IPP: variants seen among roughly 807,000 people sequenced by gnomAD.
The protein encoded by IPP is actin-binding protein IPP.
A neutral mutation model predicts 64.1 loss-of-function variants in IPP; 41 were observed. The observed-to-expected ratio is 0.64, with a 90% CI of 0.50 to 0.83. IPP has a LOEUF of 0.83. Ranked by LOEUF, IPP falls within the 40% of genes least tolerant of loss-of-function variation. IPP has a pLI of 0.00. For synonymous variants in IPP, 214 were observed against 235.2 expected, an observed-to-expected ratio of 0.91 and a Z score of 0.83; for missense variants, 649 against 703.0, an observed-to-expected ratio of 0.92 and a Z score of 0.87.
chr1:45,724,988 G>C (rs1173282611), intron 5 of IPP, among the ~76,000 whole-genome samples: 1 of 145,820 alleles, frequency 6.9e-6, no homozygotes, highest in East Asian at 2.2e-4. Flanking sequence ...CCCTCTGCCC[G>C]GCCAGTCGCC....
chr1:45,699,300 A>G lies in IPP; in HGVS notation c.*666T>C. 5.1e-6 allele frequency: 5 copies of G among 985,422 alleles called. No individual in the cohort carries two copies. The highest frequency in any genetic ancestry group is 6.0e-6 in the Non-Finnish European group (5 of 829,908). 61.0% of individuals were successfully genotyped at this position (985,422 alleles called of 1,614,324 possible). On this transcript the variant is annotated 3_prime_UTR_variant, in exon 9 of 9. Coordinates refer to ENST00000396478, the MANE Select transcript of IPP (RefSeq NM_005897.3). ...TGGCATTAAATAAAAGTAGGAATCTATTTCATTGGCTTTCTCTGTGGCTCA... is the reference window on the plus strand; with the variant it reads ...TGGCATTAAATAAAAGTAGGAATCTGTTTCATTGGCTTTCTCTGTGGCTCA...
chr1:45,705,173 A>T (rs1029290936), intron 8 of IPP, among the ~76,000 whole-genome samples: 1 of 152,196 alleles, frequency 6.6e-6, no homozygotes, highest in Non-Finnish European at 1.5e-5. Context: ...GCTAAGCCCA[A>T]TTTGGGGCTC....
rs564976030 is a variant in IPP at position 45,717,772 on chromosome 1, C to T, written c.1187-755G>A. Among the ~76,000 whole-genome samples, 27 of 152,284 alleles carry T rather than the reference C, an allele frequency of 1.8e-4. No homozygotes were observed. The South Asian group carries it at 4.8e-3, about 27-fold the overall frequency. On this transcript the variant is annotated intron_variant, in intron 6 of 8. Transcript: ENST00000396478. ...TCATGATCCGCCCGCCTCAGCCTCC[C>T]AAAGTGCTGGGATTACAGGCGTAAG...
In IPP at chr1:45,741,219, G is replaced by T; in HGVS notation, c.406C>A (p.Pro136Thr). The T allele has an allele frequency of 6.2e-7, 1 of 1,614,104 alleles. No homozygotes were observed. Among genetic ancestry groups the T allele is most frequent in the Non-Finnish European group, 8.5e-7 (1 of 1,179,984 alleles). ...TGAAAAATTCCAATGCAGTTCAGTG[G>T]ATCAATTTGTCCTTTCAGAAATTCA... ...CCEFLKGQID[P>T]LNCIGIFQFS... is the part of the protein sequence containing the mutation. The change falls in exon 3 of 9, where the codon CCA (proline) becomes ACA (threonine). Residue 136 changes from proline to threonine, a missense_variant. Pro to Thr is a conservative substitution (Grantham distance 38, BLOSUM62 -1). Transcript: ENST00000396478.
chr1:45,723,328 T>C (rs1645758981), intron 5 of IPP, among the ~76,000 whole-genome samples: 1 of 152,182 alleles, frequency 6.6e-6, no homozygotes, highest in Non-Finnish European at 1.5e-5. Context: ...TAAAAGTATT[T>C]AAAAGTTATA....
chr1:45,743,236 C>CTTT (rs1260853923), intron 2 of IPP, among the ~76,000 whole-genome samples: 6 of 139,302 alleles, frequency 4.3e-5, no homozygotes, highest in Admixed American at 1.4e-4. Flanking sequence ...CCACACCCAT[C>CTTT]TTTTTTTTTT....
rs1645434043 is a variant in IPP at position 45,700,202 on chromosome 1, AG to A, written c.1531-13del. ...TCAACCCACTTTTCCTGGTTAAGAG[AG>A]AAAAAAAAAATATGTTAGCAGTGTT... On this transcript the variant is annotated splice_polypyrimidine_tract_variant and intron_variant, in intron 8 of 8. Coordinates refer to ENST00000396478, the MANE Select transcript of IPP (RefSeq NM_005897.3). The A allele has an allele frequency of 6.3e-7, 1 of 1,577,978 alleles. No individual in the cohort carries two copies. Among genetic ancestry groups the A allele is most frequent in the Non-Finnish European group, 8.6e-7 (1 of 1,164,714 alleles).
At chr1:45,739,328 G>A (rs1218495560) in intron 3 of IPP, among the ~76,000 whole-genome samples, 1 of 151,642 alleles carries the variant, frequency 6.6e-6, no homozygotes, top group East Asian at 1.9e-4. Context: ...TGACCTCCTG[G>A]ACTCAGGTGA....
In IPP at chr1:45,746,313, T is replaced by C. The variant is rs77901461; in HGVS notation, c.99A>G (p.Gly33=). 675 of 1,613,940 alleles carry C rather than the reference T, an allele frequency of 4.2e-4. 7 individuals are homozygous for C. In the East Asian group the frequency reaches 0.011, roughly 26 times the overall value. ...GCAGCTGCACATCACAGAAATGCTG[T>C]CCATTTCTCATCTTATTGATTTGGG... ...ILAQINKMRN[G]QHFCDVQLQV... The change falls in exon 2 of 9, where the codon GGA becomes GGG. Residue 33 remains glycine (G), a synonymous_variant. Coordinates refer to ENST00000396478, the MANE Select transcript of IPP (RefSeq NM_005897.3).
intron 1 of IPP, among the ~76,000 whole-genome samples, chr1:45,747,862 A>AAAAAAAC: frequency 1.5e-5 from 2 of 131,278 alleles, no homozygotes; most frequent in Admixed American, 7.9e-5. Context: ...AAAAAAAAAA[A>AAAAAAAC]AAAAACCATG....
intron 8 of IPP, 143 bp from the exon 9 acceptor site, chr1:45,700,333 TC>T: frequency 1.6e-6 from 2 of 1,264,788 alleles, no homozygotes; most frequent in South Asian, 1.7e-5. Context: ...GATTTTTTTT[TC>T]TTTTTTTTGC....
chr1:45,740,593 C>T (rs570040222), intron 3 of IPP, among the ~76,000 whole-genome samples: 1 of 152,334 alleles, frequency 6.6e-6, no homozygotes, highest in East Asian at 1.9e-4. Context: ...TTGGTTCTGT[C>T]AACAGCAGTG....
chr1:45,711,498 A>T (rs1645590352), intron 8 of IPP, among the ~76,000 whole-genome samples: 1 of 152,162 alleles, frequency 6.6e-6, no homozygotes, highest in African/African-American at 2.4e-5. Context: ...TCACACCTGT[A>T]ATCCTAGCAC....
intron 2 of IPP, among the ~76,000 whole-genome samples, chr1:45,744,416 C>G (rs1646107204): frequency 6.6e-6 from 1 of 152,166 alleles, no homozygotes; most frequent in African/African-American, 2.4e-5. Flanking sequence ...TGGGGTCTCA[C>G]TCTGTCTCCC....
rs189722526 is a variant in IPP at position 45,730,781 on chromosome 1, A to G, written c.725-1012T>C. On this transcript the variant is annotated intron_variant, in intron 3 of 8. Coordinates refer to ENST00000396478, the MANE Select transcript of IPP (RefSeq NM_005897.3). ...ATCTTTTCTCTGTATCCCAGACAAG[A>G]AGCAATATTGAAGAAAAATGGTCAA... is the stretch of plus-strand genomic sequence containing the variant. 2.1e-3 allele frequency among the ~76,000 whole-genome samples: 315 copies of G among 152,370 alleles called. 2 individuals are homozygous for G. Among genetic ancestry groups the G allele is most frequent in the Admixed American group, 3.7e-3 (57 of 15,298 alleles).
At chr1:45,748,969 C>CAAA (rs531462356) in intron 1 of IPP, among the ~76,000 whole-genome samples, 1 of 97,516 alleles carries the variant, frequency 1.0e-5, no homozygotes, top group Admixed American at 1.1e-4. Context: ...GACTCCGTCT[C>CAAA]AAAAAAAAAA....
chr1:45,714,364 ATT>A lies in IPP; in HGVS notation c.1410_1411del (p.Met471GlyfsTer14). 6.2e-7 allele frequency: 1 copy of A among 1,613,948 alleles called. No individual in the cohort carries two copies. Among genetic ancestry groups the A allele is most frequent in the Non-Finnish European group, 8.5e-7 (1 of 1,179,776 alleles). On this transcript the variant is annotated frameshift_variant, in exon 8 of 9. Coordinates refer to ENST00000396478, the MANE Select transcript of IPP (RefSeq NM_005897.3). LOFTEE classifies it high-confidence loss of function. Reference sequence around the variant, plus strand: ...ACCAAGATATGCTCTCCTGGTTCCCATTGGAGGAAGTGGAGACCAACGCTTAG... The same window carrying A: ...ACCAAGATATGCTCTCCTGGTTCCCAGGAGGAAGTGGAGACCAACGCTTAG...
intron 3 of IPP, among the ~76,000 whole-genome samples, chr1:45,739,315 C>A (rs554242478): frequency 6.6e-6 from 1 of 151,974 alleles, no homozygotes; most frequent in Admixed American, 6.6e-5. Context: ...CTCAATGTAG[C>A]CTTGACCTCC....
intron 7 of IPP, 130 bp downstream of exon 7, chr1:45,716,765 C>A: frequency 3.1e-6 from 2 of 655,004 alleles, no homozygotes; most frequent in African/African-American, 3.8e-5. Flanking sequence ...AAAAGCAGAA[C>A]TTCTATGCTG....
Sources: gnomAD v4.1 joint callset for allele counts (sites outside exome capture counted in the v4.1 genomes callset) on GRCh38, gnomAD v4.1.1 for gene constraint, MANE v1.5 for transcripts, NCBI Gene and HGNC (gene_info 2026-07-23, HGNC 2026-07-21) for gene names.